KIAA1549: variants seen among roughly 807,000 people sequenced by gnomAD.
The protein encoded by KIAA1549 is KIAA1549.
Under a neutral mutation model 156.4 loss-of-function variants are expected in KIAA1549, and 70 were observed. The ratio of observed to expected loss-of-function variants is 0.45; its 90% CI spans 0.37 to 0.55. KIAA1549 has a LOEUF of 0.55. KIAA1549 is among the 20% of genes least tolerant of loss of function. KIAA1549 has a pLI of 0.00. For synonymous variants in KIAA1549, 1,103 were observed against 1,066.4 expected (o/e 1.03, Z -0.67); for missense variants, 2,428 against 2,540.9 (o/e 0.96, Z 0.96).
Position 138,926,598 on chromosome 7 carries a change from T to C in KIAA1549, c.188-7160A>G, listed in dbSNP as rs113164112. Among the ~76,000 whole-genome samples the C allele has an allele frequency of 4.6e-5, 7 of 152,282 alleles. 1 individual carries two copies. The highest frequency in any genetic ancestry group is 1.7e-4 in the African/African-American group (7 of 41,542). On this transcript the variant is annotated intron_variant, in intron 1 of 19. Coordinates refer to ENST00000422774, the MANE Select transcript of KIAA1549 (RefSeq NM_001164665.2). Reference sequence around the variant, plus strand: ...CTGCACCTGGCCAACTTTTTATTCTTCTTCTAGTTCTCAGGTTGTCCTAGG... The same window carrying C: ...CTGCACCTGGCCAACTTTTTATTCTCCTTCTAGTTCTCAGGTTGTCCTAGG...
chr7:138,980,985 TAA>T (rs1303650168), intron 1 of KIAA1549, 96 bp downstream of exon 1: 2 of 1,072,750 alleles, frequency 1.9e-6, no homozygotes, highest in Non-Finnish European at 1.1e-6. Context: ...AGCTGGAGAA[TAA>T]AAGAGGATGG....
At position 138,949,856 on chromosome 7, in the gene KIAA1549, G is replaced by A. The variant is rs961554352; in HGVS notation, c.188-30418C>T. 3.3e-5 allele frequency among the ~76,000 whole-genome samples: 5 copies of A among 152,200 alleles called. No homozygotes were observed. The South Asian group carries it at 6.2e-4, about 19-fold the overall frequency. ...AATACATCTGAGCCAACCCCAGCAG[G>A]GGCCGGGGCAATTCACGCAATATCA... is the stretch of plus-strand genomic sequence containing the variant. On this transcript the variant is annotated intron_variant, in intron 1 of 19. Transcript: ENST00000422774.
In KIAA1549 at chr7:138,917,804, G is replaced by A. The variant is rs750757143; in HGVS notation, c.1822C>T (p.Arg608Cys). The change falls in exon 2 of 20, where the codon CGT (arginine) becomes TGT (cysteine). Residue 608 changes from arginine to cysteine, a missense_variant. By Grantham distance (180) the Arg-to-Cys change is radical (BLOSUM62 -3). Coordinates refer to ENST00000422774, the MANE Select transcript of KIAA1549 (RefSeq NM_001164665.2). ...GGTTTATGCTCAGAAAAACTGGAAC[G>A]TTCTTGGTCAGAGAAAAGTGAAGAC... ...VESSLFSDQERSSFSEHKPRG... is the reference protein window; with the variant it reads ...VESSLFSDQECSSFSEHKPRG... 73 of 1,588,324 alleles carry A rather than the reference G, an allele frequency of 4.6e-5. No homozygotes were observed. The Admixed American group carries it at 1.1e-3, about 24-fold the overall frequency.
In KIAA1549 at chr7:138,974,451, GAGAC is replaced by G. The variant is rs539703337; in HGVS notation, c.187+6628_187+6631del. On this transcript the variant is annotated intron_variant, in intron 1 of 19. Transcript: ENST00000422774. Reference sequence around the variant, plus strand: ...TCTCAGTGGTTTGGTTTTGTTTTTTGAGACAGAGTCTCATTTTGTTGCCCAGACT... The same window carrying G: ...TCTCAGTGGTTTGGTTTTGTTTTTTGAGAGTCTCATTTTGTTGCCCAGACT... Among the ~76,000 whole-genome samples the G allele has an allele frequency of 2.6e-5, 4 of 152,068 alleles. No individual in the cohort carries two copies. The South Asian group carries it at 8.4e-4, about 32-fold the overall frequency.
At chr7:138,865,637 G>A (rs1440615359) in intron 15 of KIAA1549, among the ~76,000 whole-genome samples, 1 of 152,172 alleles carries the variant, frequency 6.6e-6, no homozygotes, top group South Asian at 2.1e-4. Context: ...CAGCCTCTGG[G>A]GTGGTGTCTT....
At chr7:138,903,843 G>A in intron 7 of KIAA1549, 107 bp from the exon 8 acceptor site, 2 of 517,938 alleles carry the variant, frequency 3.9e-6, no homozygotes, top group Admixed American at 4.9e-5. Flanking sequence ...GTGTGTGTGT[G>A]TGTGTGTGTG....
chr7:138,944,144 A>G (rs1192114731), intron 1 of KIAA1549, among the ~76,000 whole-genome samples: 5 of 151,706 alleles, frequency 3.3e-5, no homozygotes, highest in African/African-American at 1.2e-4. Context: ...GGTAACTATC[A>G]TCACTACATT....
intron 18 of KIAA1549, among the ~76,000 whole-genome samples, chr7:138,840,553 AAAG>A (rs1315417286): frequency 6.6e-6 from 1 of 152,110 alleles, no homozygotes; most frequent in African/African-American, 2.4e-5. Flanking sequence ...TAAACAAATA[AAAG>A]AAGAAAATCC....
At chr7:138,927,862 T>C (rs556147944) in intron 1 of KIAA1549, among the ~76,000 whole-genome samples, 26 of 152,236 alleles carry the variant, frequency 1.7e-4, no homozygotes, top group African/African-American at 3.4e-4. Context: ...CTGATTAAAA[T>C]AGATGGATCA....
At chr7:138,956,767 T>C (rs888827998) in intron 1 of KIAA1549, among the ~76,000 whole-genome samples, 2 of 152,234 alleles carry the variant, frequency 1.3e-5, no homozygotes, top group Non-Finnish European at 2.9e-5. Context: ...ACCAAGTTGC[T>C]ATTAATTCTG....
chr7:138,857,193 C>T (rs1392838058), intron 16 of KIAA1549, among the ~76,000 whole-genome samples: 1 of 152,070 alleles, frequency 6.6e-6, no homozygotes. Flanking sequence ...AATTTCTCTC[C>T]CCCTCACTCT....
chr7:138,974,629 G>T (rs555960653), intron 1 of KIAA1549, among the ~76,000 whole-genome samples: 66 of 151,638 alleles, frequency 4.4e-4, no homozygotes, highest in Middle Eastern at 3.4e-3. Context: ...CACTATGTTG[G>T]CCAGGCTGGT....
At chr7:138,844,812 C>T (rs1810027091) in intron 17 of KIAA1549, among the ~76,000 whole-genome samples, 1 of 152,108 alleles carries the variant, frequency 6.6e-6, no homozygotes. Flanking sequence ...AATCACGACG[C>T]TCACACTGCA....
In KIAA1549 at chr7:138,916,780, A is replaced by G; in HGVS notation, c.2846T>C (p.Ile949Thr). Residue 949 changes from isoleucine (I) to threonine (T), a missense_variant, in exon 2 of 20, where the codon ATC becomes ACC. This residue lies in a region of KIAA1549 where 762 missense variants were observed against 901.6 expected (regional missense o/e 0.85). Transcript: ENST00000422774. ...ATAKPPYVCD[I>T]TVPDAYLITT... is the part of the protein sequence containing the mutation. Reference sequence around the variant, plus strand: ...GATCAGATAGGCATCGGGGACTGTGATATCACAAACATATGGCGGCTTGGC... The same window carrying G: ...GATCAGATAGGCATCGGGGACTGTGGTATCACAAACATATGGCGGCTTGGC... 6.2e-7 allele frequency: 1 copy of G among 1,614,004 alleles called. No individual in the cohort carries two copies. The highest frequency in any genetic ancestry group is 8.5e-7 in the Non-Finnish European group (1 of 1,179,880).
chr7:138,970,160 T>C (rs1340560034), intron 1 of KIAA1549, among the ~76,000 whole-genome samples: 1 of 152,162 alleles, frequency 6.6e-6, no homozygotes, highest in Non-Finnish European at 1.5e-5. Context: ...CATCCCCACT[T>C]CCTCCCAGAC....
At chr7:138,863,441 C>A (rs1276318499) in intron 15 of KIAA1549, among the ~76,000 whole-genome samples, 1 of 152,068 alleles carries the variant, frequency 6.6e-6, no homozygotes, top group Middle Eastern at 3.2e-3. Context: ...AACGGGTGAT[C>A]AGTTATTATT....
chr7:138,880,799 T>C (rs1017880812), intron 11 of KIAA1549, among the ~76,000 whole-genome samples: 1 of 152,110 alleles, frequency 6.6e-6, no homozygotes, highest in Non-Finnish European at 1.5e-5. Flanking sequence ...CCATGTGCTA[T>C]ACTTTGAGAG....
intron 5 of KIAA1549, 92 bp downstream of exon 5, chr7:138,908,899 G>A: frequency 6.7e-7 from 1 of 1,488,310 alleles, no homozygotes; most frequent in East Asian, 2.3e-5. Flanking sequence ...CGCCACTGGA[G>A]GGAATAAGAG....
intron 19 of KIAA1549, 143 bp downstream of exon 19, chr7:138,839,990 C>T: frequency 3.2e-6 from 2 of 627,368 alleles, no homozygotes; most frequent in Non-Finnish European, 5.1e-6. Context: ...CGGGATTTCA[C>T]TACATTGGCC....
Sources: gnomAD v4.1 joint callset for allele counts (sites outside exome capture counted in the v4.1 genomes callset) on GRCh38, gnomAD v4.1.1 for gene constraint, gnomAD v4.1.1 regional missense constraint, MANE v1.5 for transcripts, NCBI Gene and HGNC (gene_info 2026-07-23, HGNC 2026-07-21) for gene names.